Variants in GLB1 observed in about 807,000 individuals in gnomAD.
GLB1 encodes the protein galactosidase beta 1.
Under a neutral mutation model 74.0 loss-of-function variants are expected in GLB1, and 56 were observed. The observed-to-expected ratio is 0.76, with a 90% CI of 0.61 to 0.94. The LOEUF is 0.94. Ranked by LOEUF, GLB1 falls within the 40% of genes least tolerant of loss-of-function variation. The probability of loss-of-function intolerance (pLI) is 0.00; values close to 1 mark genes in which losing one functional copy is unlikely to be tolerated. For missense variants in GLB1, 787 were observed against 845.5 expected (o/e 0.93, Z 0.86); for synonymous variants, 323 against 323.6 (o/e 1.00, Z 0.02).
intron 10 of GLB1, among the ~76,000 whole-genome samples, chr3:33,042,177 C>T (rs1289731909): frequency 1.3e-5 from 2 of 152,218 alleles, no homozygotes; most frequent in East Asian, 1.9e-4. Flanking sequence ...CTACTCTACC[C>T]TTGCCGCACC....
chr3:33,068,815 C>T lies in GLB1; in HGVS notation c.396+5G>A. On this transcript the variant is annotated splice_donor_5th_base_variant and intron_variant, in intron 3 of 15. Transcript: ENST00000307363. ...CCAGGTAGAGCCCAGTCTAGCCACA[C>T]TCACCATTTCCCACTCTGCACAGAT... The T allele has an allele frequency of 6.2e-7, 1 of 1,613,906 alleles. No individual in the cohort carries two copies. Among genetic ancestry groups the T allele is most frequent in the Middle Eastern group, 1.7e-4 (1 of 5,792 alleles).
the GLB1 span, among the ~76,000 whole-genome samples, chr3:32,972,300 C>G: frequency 1.3e-5 from 2 of 152,184 alleles, no homozygotes; most frequent in African/African-American, 2.4e-5. Flanking sequence ...CTTTAGATTA[C>G]CTCTTAGCCT....
intron 15 of GLB1, among the ~76,000 whole-genome samples, chr3:33,000,797 G>C (rs536947793): frequency 8.5e-5 from 13 of 152,236 alleles, no homozygotes; most frequent in African/African-American, 2.6e-4. Context: ...CTGGACTACA[G>C]AGCTAAGGTA....
chr3:33,065,403 T>C, intron 5 of GLB1, 60 bp downstream of exon 5: 2 of 1,538,746 alleles, frequency 1.3e-6, no homozygotes, highest in Non-Finnish European at 1.8e-6. Flanking sequence ...CTATCATTTA[T>C]GTAATGTAGA....
At chr3:33,078,767 C>T (rs1044929088) in intron 1 of GLB1, among the ~76,000 whole-genome samples, 11 of 152,060 alleles carry the variant, frequency 7.2e-5, no homozygotes, top group African/African-American at 1.7e-4. Flanking sequence ...TGAAATGATA[C>T]GATATTCATT....
chr3:33,052,781 C>T (rs1328442623), intron 7 of GLB1: 1 of 153,568 alleles, frequency 6.5e-6, no homozygotes, highest in African/African-American at 2.4e-5. Context: ...ATTGCCCTGC[C>T]AAGCCTTGGT....
Position 33,021,352 on chromosome 3 carries a change from GAGA to G in GLB1, c.1233+211_1233+213del, listed in dbSNP as rs553982426. 728 of 602,514 alleles carry G rather than the reference GAGA, an allele frequency of 1.2e-3. 3 individuals carry two copies. The highest frequency in any genetic ancestry group is 0.012 in the African/African-American group (641 of 53,958). The allele number at this position is 602,514 out of a possible 1,614,324, so 37.3% of individuals were successfully genotyped here. On this transcript the variant is annotated intron_variant, in intron 12 of 15. Coordinates refer to ENST00000307363, the MANE Select transcript of GLB1 (RefSeq NM_000404.4). ...AGGTTGGGCTACCTCCTGTATGAGT[GAGA>G]AGAAGTGGGGCAAAAAATATAGGCA...
chr3:33,042,468 C>T (rs1001670052), intron 10 of GLB1, among the ~76,000 whole-genome samples: 29 of 149,192 alleles, frequency 1.9e-4, no homozygotes, highest in Admixed American at 6.8e-4. Flanking sequence ...CCCGGGTTCA[C>T]GCCATTCTTC....
intron 6 of GLB1, among the ~76,000 whole-genome samples, chr3:33,055,033 T>G (rs1699155394): frequency 6.6e-6 from 1 of 152,284 alleles, no homozygotes. Flanking sequence ...CAGAATATGC[T>G]GATTGAGAAA....
chr3:33,021,374 A>G, intron 12 of GLB1, 192 bp downstream of exon 12: 1 of 648,478 alleles, frequency 1.5e-6, no homozygotes, highest in Non-Finnish European at 2.7e-6. Context: ...GGCAAAAAAT[A>G]TAGGCATGAT....
At chr3:33,007,119 C>G (rs762224526) in intron 15 of GLB1, among the ~76,000 whole-genome samples, 1 of 152,222 alleles carries the variant, frequency 6.6e-6, no homozygotes, top group Non-Finnish European at 1.5e-5. Flanking sequence ...AAACAGAAAC[C>G]ACATTGGTTC....
chr3:32,976,524 T>G, the GLB1 span, among the ~76,000 whole-genome samples: 1 of 152,314 alleles, frequency 6.6e-6, no homozygotes, highest in Admixed American at 6.5e-5. Context: ...GAAGCCTTAT[T>G]TTCTCACATC....
rs528223711 is a variant in GLB1 at position 33,095,675 on chromosome 3, G to C, written c.75+1336C>G. 2.6e-5 allele frequency among the ~76,000 whole-genome samples: 4 copies of C among 152,244 alleles called. No individual in the cohort carries two copies. The South Asian group carries it at 8.3e-4, about 32-fold the overall frequency. ...AGCTCACATCAGACAGATTGACCCT[G>C]TCCACCTGTTCCTGGTTCATAAATC... On this transcript the variant is annotated intron_variant, in intron 1 of 15. Coordinates refer to ENST00000307363, the MANE Select transcript of GLB1 (RefSeq NM_000404.4).
At chr3:32,977,452 C>T in the GLB1 span, among the ~76,000 whole-genome samples, 1 of 152,170 alleles carries the variant, frequency 6.6e-6, no homozygotes, top group Non-Finnish European at 1.5e-5. Flanking sequence ...AAGTGATCCA[C>T]CTGCCTCGGC....
intron 15 of GLB1, among the ~76,000 whole-genome samples, chr3:33,005,603 C>T (rs1696753611): frequency 6.6e-6 from 1 of 152,156 alleles, no homozygotes; most frequent in African/African-American, 2.4e-5. Context: ...CTCAAGCAAT[C>T]CTCCCATCTC....
the GLB1 span, among the ~76,000 whole-genome samples, chr3:32,984,950 A>G: frequency 1.3e-5 from 2 of 150,718 alleles, no homozygotes; most frequent in Non-Finnish European, 3.0e-5. Context: ...TCAAAAAAAA[A>G]AAAAATTAGC....
At chr3:32,986,364 G>T in the GLB1 span, among the ~76,000 whole-genome samples, 1 of 152,216 alleles carries the variant, frequency 6.6e-6, no homozygotes. Context: ...TAAGGTTTGG[G>T]TGTTGCTTGT....
the GLB1 span, among the ~76,000 whole-genome samples, chr3:32,977,756 C>T: frequency 6.6e-6 from 1 of 152,172 alleles, no homozygotes; most frequent in Non-Finnish European, 1.5e-5. Context: ...GTAAGCTAAG[C>T]GCCATAGAGA....
chr3:33,051,603 C>CAAAAAAAAAAAA, intron 9 of GLB1, among the ~76,000 whole-genome samples, 155 bp downstream of exon 9: 1 of 75,450 alleles, frequency 1.3e-5, no homozygotes, highest in African/African-American at 4.3e-5. Context: ...AGACTGTCTA[C>CAAAAAAAAAAAA]AAAAAAAAAA....
Sources: allele counts gnomAD v4.1 joint callset (sites outside exome capture counted in the v4.1 genomes callset), GRCh38; gene constraint gnomAD v4.1.1; transcripts MANE v1.5; gene names NCBI Gene and HGNC (gene_info 2026-07-23, HGNC 2026-07-21).